The following MTHFD1L variants were observed in gnomAD, a reference collection of about 807,000 sequenced individuals.
The protein encoded by MTHFD1L is methylenetetrahydrofolate dehydrogenase (NADP+ dependent) 1 like, also known as monofunctional C1-tetrahydrofolate synthase, mitochondrial.
In MTHFD1L, 81 loss-of-function variants were observed where a neutral mutation model predicts 119.5. The ratio of observed to expected loss-of-function variants is 0.68; its 90% CI spans 0.57 to 0.82. The LOEUF (loss-of-function observed/expected upper bound fraction) is 0.82, where lower values mean the gene tolerates loss of function less well. Among genes scored for constraint, MTHFD1L ranks in the 40% least tolerant of loss-of-function variants. The pLI, the probability that MTHFD1L is intolerant of heterozygous loss-of-function variation, is 0.00. For missense variants in MTHFD1L, 1,125 were observed against 1,253.4 expected (o/e 0.90, Z 1.55); for synonymous variants, 430 against 475.2 (o/e 0.90, Z 1.24).
chr6:151,087,290 TAAATAATA>T (rs899876921), intron 26 of MTHFD1L, among the ~76,000 whole-genome samples: 1 of 147,698 alleles, frequency 6.8e-6, no homozygotes, highest in African/African-American at 2.5e-5. Context: ...AATAAATAAA[TAAATAATA>T]AAATTGTGAT....
At chr6:150,969,007 C>T (rs1363927947) in intron 19 of MTHFD1L, among the ~76,000 whole-genome samples, 2 of 151,818 alleles carry the variant, frequency 1.3e-5, no homozygotes, top group Non-Finnish European at 2.9e-5. Flanking sequence ...CGCTACCATG[C>T]CTGGCTAATT....
chr6:150,947,081 G>GAA (rs796899011), intron 15 of MTHFD1L, among the ~76,000 whole-genome samples: 7 of 122,516 alleles, frequency 5.7e-5, no homozygotes, highest in Non-Finnish European at 1.2e-4. Context: ...TCTCAAAAAA[G>GAA]AAAAAAAAAA....
chr6:151,063,545 TC>T lies in MTHFD1L; in HGVS notation c.2847+26429del, dbSNP rs1790880908. On this transcript the variant is annotated intron_variant, in intron 26 of 27. Transcript: ENST00000367321. ...TCTAGTTAAACGCCCATCTTTCTTT[TC>T]AACTTTACCAACAAATGTGTCTTAT... Among the ~76,000 whole-genome samples, 3 of 152,342 alleles carry T rather than the reference TC, an allele frequency of 2.0e-5. No homozygotes were observed. In the South Asian group the frequency reaches 6.2e-4, roughly 32 times the overall value.
intron 20 of MTHFD1L, among the ~76,000 whole-genome samples, chr6:150,992,248 C>CA (rs776389860): frequency 6.6e-5 from 10 of 152,192 alleles, no homozygotes; most frequent in Non-Finnish European, 1.2e-4. Context: ...GGTATGTCCA[C>CA]ACTGCTGGAG....
At chr6:151,052,004 A>G (rs972813533) in intron 26 of MTHFD1L, among the ~76,000 whole-genome samples, 2 of 152,176 alleles carry the variant, frequency 1.3e-5, no homozygotes, top group Non-Finnish European at 2.9e-5. Flanking sequence ...AGAGGATGGC[A>G]TGTGTGCCGG....
At chr6:150,960,046 C>CAG (rs1381511894) in intron 17 of MTHFD1L, among the ~76,000 whole-genome samples, 4 of 152,192 alleles carry the variant, frequency 2.6e-5, no homozygotes, top group African/African-American at 9.6e-5. Flanking sequence ...CTTTGCTGAG[C>CAG]AGAGCATGGC....
chr6:151,082,685 G>A (rs73622457), intron 26 of MTHFD1L, among the ~76,000 whole-genome samples: 12,534 of 151,772 alleles, frequency 0.083, 666 homozygotes, highest in African/African-American at 0.15. Flanking sequence ...ACAACAATGG[G>A]TACTGTGTAT....
intron 9 of MTHFD1L, 122 bp from the exon 10 acceptor site, chr6:150,922,083 G>T (rs1789044883): frequency 1.4e-6 from 1 of 711,402 alleles, no homozygotes; most frequent in South Asian, 1.9e-5. Context: ...TATCCTCCTG[G>T]CTTATTGTGC....
chr6:150,944,504 G>A lies in MTHFD1L; in HGVS notation c.1459G>A (p.Gly487Arg). 1.2e-6 allele frequency: 2 copies of A among 1,613,116 alleles called. No individual in the cohort carries two copies. Among genetic ancestry groups the A allele is most frequent in the Non-Finnish European group, 1.7e-6 (2 of 1,179,290 alleles). ...PMEEFNLHLT[G>R]DIHAITAANN... is the part of the protein sequence containing the mutation. Reference sequence around the variant, plus strand: ...TCTCTAGTTCAACCTTCACTTGACTGGAGACATCCACGCCATCACCGCTGC... The same window carrying A: ...TCTCTAGTTCAACCTTCACTTGACTAGAGACATCCACGCCATCACCGCTGC... The change falls in exon 14 of 28, where the codon GGA becomes AGA. Residue 487 changes from glycine (G) to arginine (R), a missense_variant. This residue lies in a region of MTHFD1L where 1,058 missense variants were observed against 1,151.2 expected (regional missense o/e 0.92). Coordinates refer to ENST00000367321, the MANE Select transcript of MTHFD1L (RefSeq NM_015440.5).
At chr6:150,902,388 A>G (rs891416893) in intron 7 of MTHFD1L, among the ~76,000 whole-genome samples, 6 of 152,098 alleles carry the variant, frequency 3.9e-5, no homozygotes, top group Admixed American at 6.5e-5. Context: ...AAGCTGCTCC[A>G]CTCAAGTCTC....
At chr6:151,049,694 C>T (rs931619537) in intron 26 of MTHFD1L, among the ~76,000 whole-genome samples, 7 of 151,716 alleles carry the variant, frequency 4.6e-5, no homozygotes, top group African/African-American at 1.7e-4. Flanking sequence ...TTCGCATGAG[C>T]CCCCTCCTTG....
At chr6:150,922,377 G>A in intron 10 of MTHFD1L, 75 bp downstream of exon 10, 1 of 1,169,668 alleles carries the variant, frequency 8.5e-7, no homozygotes, top group South Asian at 1.3e-5. Context: ...TGGGGGAGAA[G>A]CACAACTCAT....
At chr6:151,088,597 CG>C (rs1418389484) in intron 26 of MTHFD1L, among the ~76,000 whole-genome samples, 1 of 150,442 alleles carries the variant, frequency 6.6e-6, no homozygotes, top group African/African-American at 2.4e-5. Context: ...GCTAAAACGA[CG>C]GGTGCTCATT....
intron 26 of MTHFD1L, among the ~76,000 whole-genome samples, chr6:151,063,905 G>C (rs1790924343): frequency 6.6e-6 from 1 of 151,512 alleles, no homozygotes; most frequent in Non-Finnish European, 1.5e-5. Context: ...GAATAAAGCA[G>C]AGTATAATAT....
intron 7 of MTHFD1L, among the ~76,000 whole-genome samples, chr6:150,897,567 C>T (rs1269323799): frequency 6.6e-6 from 1 of 152,180 alleles, no homozygotes; most frequent in Non-Finnish European, 1.5e-5. Flanking sequence ...CTCCATGACG[C>T]TTGTGTTACT....
chr6:150,959,092 A>T, intron 17 of MTHFD1L: 1 of 715,858 alleles, frequency 1.4e-6, no homozygotes, highest in Non-Finnish European at 1.7e-6. Context: ...ATGAAAGACC[A>T]CTTATGTTTG....
rs1789983608 is a variant in MTHFD1L at position 150,926,367 on chromosome 6, C to G, written c.1256+72C>G. Reference sequence around the variant, plus strand: ...AAACTCTTCCCTATTTATCTCTCTCCTCGTACCCCTCAATCCATCCTATTC... The same window carrying G: ...AAACTCTTCCCTATTTATCTCTCTCGTCGTACCCCTCAATCCATCCTATTC... On this transcript the variant is annotated intron_variant, in intron 11 of 27. Transcript: ENST00000367321. This position sits in a 1 kb window ranked among gnomAD's most constrained non-coding sequence, Gnocchi z 4.3. 7.7e-7 allele frequency: 1 copy of G among 1,303,142 alleles called. No individual in the cohort carries two copies. The highest frequency in any genetic ancestry group is 1.5e-5 in the African/African-American group (1 of 68,044). The allele number at this position is 1,303,142 out of a possible 1,614,324, so 80.7% of individuals were successfully genotyped here.
intron 26 of MTHFD1L, among the ~76,000 whole-genome samples, chr6:151,047,156 T>C (rs903900600): frequency 2.0e-5 from 3 of 152,176 alleles, no homozygotes; most frequent in Admixed American, 6.5e-5. Flanking sequence ...TGAAACCAGT[T>C]TTCCCATAGT....
intron 26 of MTHFD1L, among the ~76,000 whole-genome samples, chr6:151,083,839 A>C (rs1793465382): frequency 6.6e-6 from 1 of 152,204 alleles, no homozygotes. Context: ...TTTTTAAGAA[A>C]AAAGCTCGAG....
Sources: gnomAD v4.1 joint callset for allele counts (sites outside exome capture counted in the v4.1 genomes callset) on GRCh38, gnomAD v4.1.1 for gene constraint, gnomAD v4.1.1 regional missense constraint, Gnocchi (gnomAD v3.1) non-coding constraint, MANE v1.5 for transcripts, NCBI Gene and HGNC (gene_info 2026-07-23, HGNC 2026-07-21) for gene names.